Variants in DPP10 observed in about 807,000 individuals in gnomAD.
The protein encoded by DPP10 is inactive dipeptidyl peptidase 10.
In DPP10, 33 loss-of-function variants were observed where a neutral mutation model predicts 120.9. That is an observed-to-expected ratio of 0.27 (90% CI 0.21 to 0.37). The LOEUF (loss-of-function observed/expected upper bound fraction) is 0.37. DPP10 is among the 10% of genes least tolerant of loss of function. The pLI is 1.00. For synonymous variants in DPP10, 337 were observed against 326.1 expected (o/e 1.03, Z -0.36); for missense variants, 816 against 942.8 (o/e 0.87, Z 1.76).
At chr2:115,764,609 A>C (rs1186622170) in intron 12 of DPP10, among the ~76,000 whole-genome samples, 1 of 152,134 alleles carries the variant, frequency 6.6e-6, no homozygotes, top group Non-Finnish European at 1.5e-5. Flanking sequence ...AACATATGTC[A>C]ACATAATGCA....
At chr2:115,794,176 G>A (rs981221504) in intron 19 of DPP10, among the ~76,000 whole-genome samples, 3 of 151,990 alleles carry the variant, frequency 2.0e-5, no homozygotes, top group Admixed American at 6.6e-5. Flanking sequence ...TGATTTTGGT[G>A]TCAGTACTTT....
chr2:115,693,665 T>C (rs1434295371), intron 7 of DPP10, among the ~76,000 whole-genome samples: 2 of 152,136 alleles, frequency 1.3e-5, no homozygotes, highest in African/African-American at 4.8e-5. Context: ...ATTGATTCCT[T>C]ATTTTTTAAT....
chr2:115,117,909 A>G (rs2049605568), intron 1 of DPP10, among the ~76,000 whole-genome samples: 2 of 152,172 alleles, frequency 1.3e-5, no homozygotes, highest in South Asian at 4.1e-4. Flanking sequence ...TATTGTGGAG[A>G]GCATGGATGA....
intron 3 of DPP10, chr2:115,468,402 G>A: frequency 2.0e-6 from 1 of 493,066 alleles, no homozygotes; most frequent in Non-Finnish European, 4.0e-6. Flanking sequence ...AGCCTTTCAG[G>A]AGCCACAGCT....
chr2:114,645,612 A>G (rs1467259989), intron 1 of DPP10, among the ~76,000 whole-genome samples: 1 of 151,996 alleles, frequency 6.6e-6, no homozygotes, highest in African/African-American at 2.4e-5. Flanking sequence ...TTTGTTTCTG[A>G]GTGTAGTATC....
intron 1 of DPP10, among the ~76,000 whole-genome samples, chr2:114,633,975 G>A (rs1406969408): frequency 6.6e-6 from 1 of 151,784 alleles, no homozygotes; most frequent in African/African-American, 2.4e-5. Flanking sequence ...TTGTTTATAT[G>A]TGTGTATTAC....
intron 1 of DPP10, among the ~76,000 whole-genome samples, chr2:114,762,538 T>C (rs1235915421): frequency 6.6e-6 from 1 of 152,146 alleles, no homozygotes; most frequent in Non-Finnish European, 1.5e-5. Context: ...AGTAGTCCCA[T>C]GGAATATAAA....
chr2:115,744,851 A>T (rs2149711410), intron 9 of DPP10, among the ~76,000 whole-genome samples: 1 of 150,360 alleles, frequency 6.7e-6, no homozygotes, highest in African/African-American at 2.4e-5. Context: ...TGGATTTTTT[A>T]ATTCAACTCA....
At chr2:114,850,445 T>G (rs966862107) in intron 1 of DPP10, among the ~76,000 whole-genome samples, 1 of 152,222 alleles carries the variant, frequency 6.6e-6, no homozygotes, top group Non-Finnish European at 1.5e-5. Flanking sequence ...TAAATAGAAT[T>G]AAACTACTGC....
chr2:115,166,321 A>G (rs1353842333), intron 1 of DPP10, among the ~76,000 whole-genome samples: 3 of 151,480 alleles, frequency 2.0e-5, no homozygotes, highest in Non-Finnish European at 2.9e-5. Context: ...TAAAAAACAT[A>G]TTACTTCGAA....
At chr2:115,139,916 T>C (rs2050837153) in intron 1 of DPP10, among the ~76,000 whole-genome samples, 1 of 152,066 alleles carries the variant, frequency 6.6e-6, no homozygotes, top group African/African-American at 2.4e-5. Context: ...GCTTTAGAAG[T>C]TGAATCCTAT....
At chr2:115,230,718 A>AT (rs1361219737) in intron 1 of DPP10, among the ~76,000 whole-genome samples, 11 of 151,978 alleles carry the variant, frequency 7.2e-5, no homozygotes, top group Non-Finnish European at 1.3e-4. Flanking sequence ...TATTTGTTGT[A>AT]TTTTTTGGTA....
chr2:115,824,410 C>G (rs926966448), intron 21 of DPP10, among the ~76,000 whole-genome samples: 1 of 151,984 alleles, frequency 6.6e-6, no homozygotes, highest in African/African-American at 2.4e-5. Flanking sequence ...CTTATCAACC[C>G]GTCATCTAGG....
At chr2:114,889,309 T>A (rs1417139218) in intron 1 of DPP10, among the ~76,000 whole-genome samples, 1 of 152,184 alleles carries the variant, frequency 6.6e-6, no homozygotes, top group Non-Finnish European at 1.5e-5. Flanking sequence ...TCTTTTATTA[T>A]CTTATTCCAA....
chr2:115,433,634 AAAATAGAAC>A (rs1030484054), intron 3 of DPP10, among the ~76,000 whole-genome samples: 6 of 152,012 alleles, frequency 3.9e-5, no homozygotes, highest in African/African-American at 1.4e-4. Context: ...TTTCACTTTA[AAAATAGAAC>A]ATCAGGCTCA....
rs116747882 is a variant in DPP10, at chr2:115,082,221, A to G, written c.61-227018A>G. ...TATTAGGTTAAGTAAGGTCTTAAAT[A>G]AAAACCTTCCTGCTAAGGTCTTTGC... On this transcript the variant is annotated intron_variant, in intron 1 of 25. Transcript: ENST00000410059. Among the ~76,000 whole-genome samples the G allele has an allele frequency of 6.6e-3, 1,006 of 152,256 alleles. 14 individuals are homozygous for G. Among genetic ancestry groups the G allele is most frequent in the African/African-American group, 0.023 (940 of 41,536 alleles).
intron 17 of DPP10, among the ~76,000 whole-genome samples, chr2:115,784,112 T>C (rs1683077301): frequency 6.6e-6 from 1 of 152,220 alleles, no homozygotes; most frequent in Non-Finnish European, 1.5e-5. Context: ...GTTATTTTCC[T>C]GTTCAAAAGC....
At chr2:114,652,275 A>G (rs188514498) in intron 1 of DPP10, among the ~76,000 whole-genome samples, 83 of 152,336 alleles carry the variant, frequency 5.4e-4, no homozygotes, top group African/African-American at 1.8e-3. Flanking sequence ...GACTAAATAT[A>G]TAATTTCTAC....
chr2:115,793,485 C>T (rs906831631), intron 19 of DPP10, among the ~76,000 whole-genome samples: 1 of 151,820 alleles, frequency 6.6e-6, no homozygotes, highest in Non-Finnish European at 1.5e-5. Context: ...AATTGCATTA[C>T]TTATAAATGC....
Sources: gnomAD v4.1 joint callset for allele counts (sites outside exome capture counted in the v4.1 genomes callset) on GRCh38, gnomAD v4.1.1 for gene constraint, MANE v1.5 for transcripts, NCBI Gene and HGNC (gene_info 2026-07-23, HGNC 2026-07-21) for gene names.